HCN1: variants seen among roughly 807,000 people sequenced by gnomAD.
The protein encoded by HCN1 is potassium/sodium hyperpolarization-activated cyclic nucleotide-gated channel 1.
Under a neutral mutation model 78.9 loss-of-function variants are expected in HCN1, and 13 were observed. That is an observed-to-expected ratio of 0.16 (90% CI 0.11 to 0.26). HCN1 has a LOEUF of 0.26. HCN1 is among the 10% of genes least tolerant of loss of function. The probability of loss-of-function intolerance (pLI) is 1.00; values close to 1 mark genes in which losing one functional copy is unlikely to be tolerated. For synonymous variants in HCN1, 552 were observed against 455.5 expected, an observed-to-expected ratio of 1.21 and a Z score of -2.70; for missense variants, 810 against 1,154.3, an observed-to-expected ratio of 0.70 and a Z score of 4.32.
At chr5:45,397,936 TG>T (rs1197363583) in intron 3 of HCN1, among the ~76,000 whole-genome samples, 1 of 151,652 alleles carries the variant, frequency 6.6e-6, no homozygotes, top group East Asian at 1.9e-4. Flanking sequence ...TAGTTGCTCT[TG>T]GCTATTGGAA....
chr5:45,377,979 A>G (rs767864100), intron 4 of HCN1, among the ~76,000 whole-genome samples: 68 of 152,022 alleles, frequency 4.5e-4, no homozygotes, highest in Non-Finnish European at 8.4e-4. Context: ...TACATTAATG[A>G]ATTATGTGTA....
At chr5:45,626,931 C>CATATATATACACGCCATAT (rs1403873535) in intron 2 of HCN1, among the ~76,000 whole-genome samples, 9 of 150,662 alleles carry the variant, frequency 6.0e-5, no homozygotes, top group African/African-American at 2.2e-4. Context: ...ATATGATTAC[C>CATATATATACACGCCATAT]ATATATATAC....
At chr5:45,638,617 T>A (rs905378005) in intron 2 of HCN1, among the ~76,000 whole-genome samples, 2 of 152,192 alleles carry the variant, frequency 1.3e-5, no homozygotes, top group Admixed American at 1.3e-4. Context: ...TTTAGTTGTC[T>A]TGGGGCTGGG....
chr5:45,340,408 C>A (rs904545861), intron 5 of HCN1, among the ~76,000 whole-genome samples: 1 of 152,126 alleles, frequency 6.6e-6, no homozygotes, highest in African/African-American at 2.4e-5. Flanking sequence ...ATTCTGGAAT[C>A]CTAACTTCTC....
At chr5:45,280,936 A>C (rs1745148974) in intron 6 of HCN1, among the ~76,000 whole-genome samples, 1 of 151,934 alleles carries the variant, frequency 6.6e-6, no homozygotes, top group Non-Finnish European at 1.5e-5. Context: ...GTGTCAGGTA[A>C]CTCCAGTTGG....
chr5:45,262,437 A>G lies in HCN1; in HGVS notation c.2157T>C (p.Tyr719=), dbSNP rs1214040833. ...ACAGCTGGGAGGCGGTGGGGGAGGC[A>G]TAGTGGAAAGTTCGAGCGGCCAGAG... ...QSPLAARTFH[Y]ASPTASQLSL... Residue 719 remains tyrosine, a synonymous_variant, in exon 8 of 8, where the codon TAT becomes TAC. Coordinates refer to ENST00000303230, the MANE Select transcript of HCN1 (RefSeq NM_021072.4). The G allele has an allele frequency of 2.5e-6, 4 of 1,611,860 alleles. No individual in the cohort carries two copies. The highest frequency in any genetic ancestry group is 3.4e-6 in the Non-Finnish European group (4 of 1,179,716).
At chr5:45,690,701 T>C (rs1309244617) in intron 1 of HCN1, among the ~76,000 whole-genome samples, 2 of 152,086 alleles carry the variant, frequency 1.3e-5, no homozygotes, top group Non-Finnish European at 2.9e-5. Context: ...CTTTTTTCTT[T>C]ATTATCACTA....
chr5:45,647,248 T>C (rs1345708326), intron 1 of HCN1, among the ~76,000 whole-genome samples: 3 of 152,182 alleles, frequency 2.0e-5, no homozygotes, highest in African/African-American at 7.2e-5. Flanking sequence ...TTAAATGAAA[T>C]GGTTTTATAT....
At chr5:45,338,811 CTT>C (rs1746517064) in intron 5 of HCN1, among the ~76,000 whole-genome samples, 1 of 152,080 alleles carries the variant, frequency 6.6e-6, no homozygotes, top group South Asian at 2.1e-4. Flanking sequence ...TCTTACTAAA[CTT>C]TTCTTCAAAA....
intron 1 of HCN1, among the ~76,000 whole-genome samples, chr5:45,652,350 A>T (rs1243780225): frequency 6.6e-6 from 1 of 151,912 alleles, no homozygotes; most frequent in Non-Finnish European, 1.5e-5. Context: ...ACTCTACATT[A>T]TAATAATTCC....
intron 5 of HCN1, among the ~76,000 whole-genome samples, chr5:45,328,574 C>T (rs1186060873): frequency 6.6e-6 from 1 of 151,556 alleles, no homozygotes; most frequent in South Asian, 2.1e-4. Flanking sequence ...ACCTGATAAC[C>T]AAGATGACTA....
At chr5:45,272,301 GA>G (rs936004387) in intron 6 of HCN1, among the ~76,000 whole-genome samples, 6 of 151,960 alleles carry the variant, frequency 3.9e-5, no homozygotes, top group Admixed American at 3.3e-4. Context: ...GATATATATA[GA>G]AAAAAATTAG....
intron 3 of HCN1, among the ~76,000 whole-genome samples, chr5:45,440,838 G>T (rs1740662971): frequency 6.6e-6 from 1 of 152,098 alleles, no homozygotes; most frequent in Non-Finnish European, 1.5e-5. Context: ...AGGAAACTCA[G>T]CCTCATTTAG....
At chr5:45,384,960 C>G (rs1234443744) in intron 4 of HCN1, among the ~76,000 whole-genome samples, 1 of 152,104 alleles carries the variant, frequency 6.6e-6, no homozygotes, top group African/African-American at 2.4e-5. Context: ...GAAAAGTCTT[C>G]CTTTTTTCCA....
intron 5 of HCN1, among the ~76,000 whole-genome samples, chr5:45,309,180 G>A (rs1357696473): frequency 6.6e-6 from 1 of 152,110 alleles, no homozygotes; most frequent in Non-Finnish European, 1.5e-5. Context: ...TGTTGTTGGT[G>A]TACAGGAATG....
chr5:45,254,980 A>C lies in HCN1; in HGVS notation c.*6941T>G, dbSNP rs1307791187. The C allele has an allele frequency of 2.6e-5, 4 of 152,218 alleles. No individual in the cohort carries two copies. The highest frequency in any genetic ancestry group is 5.9e-5 in the Non-Finnish European group (4 of 68,054). 9.4% of individuals were successfully genotyped at this position (152,218 alleles called of 1,614,324 possible). A position where few individuals can be genotyped will look rare whatever the true frequency, so the allele number is the denominator to read the frequency against. On this transcript the variant is annotated 3_prime_UTR_variant, in exon 8 of 8. Coordinates refer to ENST00000303230, the MANE Select transcript of HCN1 (RefSeq NM_021072.4). ...CACATTCATTTATTTTTATAATGTC[A>C]ATGTATTATTGATAGCATTAAAAAT...
chr5:45,483,230 T>C (rs1487258419), intron 2 of HCN1, among the ~76,000 whole-genome samples: 1 of 152,192 alleles, frequency 6.6e-6, no homozygotes, highest in African/African-American at 2.4e-5. Flanking sequence ...CCACCAATAA[T>C]GTATAAGCGC....
At chr5:45,384,415 A>C (rs772388733) in intron 4 of HCN1, among the ~76,000 whole-genome samples, 3 of 152,148 alleles carry the variant, frequency 2.0e-5, no homozygotes, top group Non-Finnish European at 4.4e-5. Context: ...AAAACTCATG[A>C]AAATCAATTT....
At chr5:45,586,796 G>C (rs902068044) in intron 2 of HCN1, among the ~76,000 whole-genome samples, 3 of 152,078 alleles carry the variant, frequency 2.0e-5, no homozygotes, top group African/African-American at 7.2e-5. Context: ...TAGCACCAGA[G>C]ACTAAATTAA....
Sources: gnomAD v4.1 joint callset for allele counts (sites outside exome capture counted in the v4.1 genomes callset) on GRCh38, gnomAD v4.1.1 for gene constraint, MANE v1.5 for transcripts, NCBI Gene and HGNC (gene_info 2026-07-23, HGNC 2026-07-21) for gene names.